Variants in RANBP17 observed in about 807,000 individuals in gnomAD.
RANBP17 encodes ran-binding protein 17.
A neutral mutation model predicts 141.2 loss-of-function variants in RANBP17; 158 were observed. The observed-to-expected ratio is 1.12, with a 90% CI of 0.98 to 1.28. The LOEUF (loss-of-function observed/expected upper bound fraction) is 1.28, where lower values mean the gene tolerates loss of function less well. RANBP17 is among the 50% of genes most tolerant of loss of function. RANBP17 has a pLI of 0.00. For synonymous variants in RANBP17, 430 were observed against 450.0 expected (o/e 0.96, Z 0.56); for missense variants, 1,438 against 1,290.7 (o/e 1.11, Z -1.75).
chr5:170,994,160 T>C (rs914025977), intron 14 of RANBP17, among the ~76,000 whole-genome samples: 2 of 152,028 alleles, frequency 1.3e-5, no homozygotes, highest in Non-Finnish European at 2.9e-5. Context: ...TCCATAGAAA[T>C]TGATGACTTG....
intron 24 of RANBP17, among the ~76,000 whole-genome samples, chr5:171,247,901 T>C (rs1244112272): frequency 1.3e-5 from 2 of 152,056 alleles, no homozygotes; most frequent in African/African-American, 4.8e-5. Context: ...ATCAAATCAT[T>C]ATATGCGCTA....
intron 12 of RANBP17, among the ~76,000 whole-genome samples, chr5:170,935,697 G>A (rs968525796): frequency 1.3e-5 from 2 of 152,044 alleles, no homozygotes; most frequent in African/African-American, 2.4e-5. Flanking sequence ...GGTGTCAATC[G>A]CCCCCCTACT....
chr5:170,914,061 G>A, intron 7 of RANBP17, 106 bp from the exon 8 acceptor site: 1 of 724,458 alleles, frequency 1.4e-6, no homozygotes, highest in Non-Finnish European at 2.4e-6. Flanking sequence ...GGAAGGAATG[G>A]CCACATGCAG....
intron 25 of RANBP17, among the ~76,000 whole-genome samples, chr5:171,286,968 TG>T (rs1023281987): frequency 1.3e-5 from 2 of 152,180 alleles, no homozygotes; most frequent in African/African-American, 4.8e-5. Context: ...TTGTTTTTGT[TG>T]GGGCCAGCCT....
chr5:170,968,623 T>C (rs898962676), intron 14 of RANBP17: 15 of 549,718 alleles, frequency 2.7e-5, no homozygotes, highest in Non-Finnish European at 4.8e-5. Flanking sequence ...ATTAAACAGT[T>C]GAGATTATTT....
At position 170,918,822 on chromosome 5, in the gene RANBP17, T is replaced by C; in HGVS notation, c.1064T>C (p.Ile355Thr). Residue 355 changes from isoleucine (I) to threonine (T), a missense_variant, in exon 10 of 28, where the codon ATT becomes ACT. Physicochemically the swap from Ile to Thr is moderately conservative, Grantham distance 89. Transcript: ENST00000523189. ...LVMVKEYPEV[I>T]RLIANFTITS... ...ATGGTGAAGGAATATCCTGAAGTTA[T>C]TAGATTGATTGCTAATTTTACCATT... is the stretch of plus-strand genomic sequence containing the variant. 6.3e-7 allele frequency: 1 copy of C among 1,588,878 alleles called. No homozygotes were observed. Among genetic ancestry groups the C allele is most frequent in the Non-Finnish European group, 8.6e-7 (1 of 1,165,938 alleles).
chr5:171,252,643 G>C, intron 24 of RANBP17: 1 of 1,363,778 alleles, frequency 7.3e-7, no homozygotes, highest in Non-Finnish European at 1.0e-6. Flanking sequence ...CTCTTACCAG[G>C]TAGTTTTTCC....
intron 25 of RANBP17, among the ~76,000 whole-genome samples, chr5:171,275,249 T>C (rs988707115): frequency 6.6e-6 from 1 of 152,264 alleles, no homozygotes; most frequent in Non-Finnish European, 1.5e-5. Context: ...TATATAATTT[T>C]TTTAATGAAG....
At chr5:171,054,848 A>G (rs919244870) in intron 14 of RANBP17, among the ~76,000 whole-genome samples, 1 of 152,280 alleles carries the variant, frequency 6.6e-6, no homozygotes, top group Admixed American at 6.5e-5. Flanking sequence ...TGCATCTTCT[A>G]TAACTTCTTC....
At chr5:171,039,675 A>G (rs1415628837) in intron 14 of RANBP17, among the ~76,000 whole-genome samples, 1 of 152,172 alleles carries the variant, frequency 6.6e-6, no homozygotes, top group Non-Finnish European at 1.5e-5. Flanking sequence ...AAGTACAATC[A>G]GAAATGACAA....
At chr5:171,007,198 T>C (rs998742674) in intron 14 of RANBP17, among the ~76,000 whole-genome samples, 3 of 152,094 alleles carry the variant, frequency 2.0e-5, no homozygotes, top group Non-Finnish European at 4.4e-5. Flanking sequence ...TGGGGTCTGA[T>C]GAGAAAGAGC....
intron 14 of RANBP17, among the ~76,000 whole-genome samples, chr5:171,005,168 C>G (rs1469857912): frequency 1.3e-5 from 2 of 151,992 alleles, no homozygotes; most frequent in African/African-American, 4.8e-5. Context: ...GCCATACTGC[C>G]CAAGGTAATT....
At chr5:170,897,045 G>A in intron 5 of RANBP17, 1 of 905,674 alleles carries the variant, frequency 1.1e-6, no homozygotes, top group Admixed American at 1.8e-5. Flanking sequence ...TCTATTATGA[G>A]GCAATAAGCA....
At chr5:171,261,646 C>T (rs185858750) in intron 24 of RANBP17, among the ~76,000 whole-genome samples, 19 of 152,188 alleles carry the variant, frequency 1.2e-4, no homozygotes, top group African/African-American at 4.6e-4. Flanking sequence ...GTTTTCAATG[C>T]CAAACAACAA....
chr5:171,028,861 G>A (rs1362045596), intron 14 of RANBP17: 9 of 1,245,670 alleles, frequency 7.2e-6, no homozygotes, highest in Non-Finnish European at 9.5e-6. Flanking sequence ...TTTCTTTTTT[G>A]TCTTGCACAG....
At chr5:171,233,795 G>A (rs1228822906) in intron 22 of RANBP17, among the ~76,000 whole-genome samples, 5 of 152,170 alleles carry the variant, frequency 3.3e-5, no homozygotes, top group Admixed American at 3.3e-4. Flanking sequence ...AACTCTGTGT[G>A]ATACTATAAT....
rs1005277491 is a variant in RANBP17, at chr5:170,931,032, G to A, written c.1468+6482G>A. Among the ~76,000 whole-genome samples the A allele has an allele frequency of 4.6e-5, 7 of 152,202 alleles. No individual in the cohort carries two copies. The East Asian group carries it at 1.2e-3, about 25-fold the overall frequency. Reference sequence around the variant, plus strand: ...ACTAGTTTACAGTCCCACCAACAGTGTAAAAGCGTTCCTATTTCTCCACAT... The same window carrying A: ...ACTAGTTTACAGTCCCACCAACAGTATAAAAGCGTTCCTATTTCTCCACAT... On this transcript the variant is annotated intron_variant, in intron 12 of 27. Transcript: ENST00000523189.
chr5:171,009,371 A>G (rs1439274780), intron 14 of RANBP17, among the ~76,000 whole-genome samples: 1 of 152,168 alleles, frequency 6.6e-6, no homozygotes, highest in Non-Finnish European at 1.5e-5. Flanking sequence ...AACTTTGGGT[A>G]AGTTGCTTAT....
At chr5:171,122,559 C>T (rs1374600900) in intron 14 of RANBP17, among the ~76,000 whole-genome samples, 2 of 152,212 alleles carry the variant, frequency 1.3e-5, no homozygotes, top group Non-Finnish European at 2.9e-5. Context: ...AGCAGCCAGC[C>T]TGGCCAGGAT....
Sources: allele counts gnomAD v4.1 joint callset (sites outside exome capture counted in the v4.1 genomes callset), GRCh38; gene constraint gnomAD v4.1.1; transcripts MANE v1.5; gene names NCBI Gene and HGNC (gene_info 2026-07-23, HGNC 2026-07-21).